The following RBFOX1 variants were observed in gnomAD, a reference collection of about 807,000 sequenced individuals.
RBFOX1 encodes the protein RNA binding fox-1 homolog 1.
In RBFOX1, 8 loss-of-function variants were observed where a neutral mutation model predicts 57.7. The observed-to-expected ratio is 0.14, with a 90% CI of 0.08 to 0.25. The LOEUF (loss-of-function observed/expected upper bound fraction) is 0.25. Ranked by LOEUF, RBFOX1 falls within the 10% of genes least tolerant of loss-of-function variation. The pLI is 1.00. For missense variants in RBFOX1, 611 were observed against 548.5 expected, an observed-to-expected ratio of 1.11 and a Z score of -1.14; for synonymous variants, 326 against 222.4, an observed-to-expected ratio of 1.47 and a Z score of -4.15.
At chr16:7,489,041 A>G (rs1459871401) in intron 4 of RBFOX1, among the ~76,000 whole-genome samples, 1 of 152,096 alleles carries the variant, frequency 6.6e-6, no homozygotes, top group Non-Finnish European at 1.5e-5. Context: ...CTCTATCTTT[A>G]TAAAATCTTG....
chr16:6,767,964 A>AT (rs2077641994), intron 3 of RBFOX1, among the ~76,000 whole-genome samples: 1 of 125,640 alleles, frequency 8.0e-6, no homozygotes, highest in South Asian at 2.5e-4. Flanking sequence ...AAGAAGAAGA[A>AT]GAAGAAGAAG....
chr16:7,679,157 C>G (rs2074119489), intron 14 of RBFOX1, among the ~76,000 whole-genome samples: 1 of 152,240 alleles, frequency 6.6e-6, no homozygotes, highest in East Asian at 1.9e-4. Context: ...TTTAAAATGT[C>G]TATTAAATGG....
intron 2 of RBFOX1, among the ~76,000 whole-genome samples, chr16:6,365,827 T>G (rs2089501477): frequency 6.6e-6 from 1 of 152,218 alleles, no homozygotes; most frequent in South Asian, 2.1e-4. Context: ...GCTGGATTGT[T>G]GAGAGAATTA....
intron 3 of RBFOX1, among the ~76,000 whole-genome samples, chr16:6,961,365 C>G (rs867636947): frequency 6.6e-6 from 1 of 152,126 alleles, no homozygotes; most frequent in East Asian, 1.9e-4. Context: ...CGTGTTCAAA[C>G]TGTAGTAATT....
At chr16:7,006,546 C>G (rs923373940) in intron 3 of RBFOX1, among the ~76,000 whole-genome samples, 13 of 152,142 alleles carry the variant, frequency 8.5e-5, no homozygotes, top group African/African-American at 2.9e-4. Flanking sequence ...AACTCCTGGG[C>G]TCAAGCAGTC....
chr16:7,181,081 A>T (rs531266623), intron 4 of RBFOX1, among the ~76,000 whole-genome samples: 11 of 152,338 alleles, frequency 7.2e-5, no homozygotes, highest in African/African-American at 2.4e-4. Context: ...GCCATGGCTT[A>T]CTGACCCCCT....
At chr16:6,538,450 C>A (rs773335267) in intron 2 of RBFOX1, among the ~76,000 whole-genome samples, 23 of 152,242 alleles carry the variant, frequency 1.5e-4, no homozygotes, top group African/African-American at 5.5e-4. Flanking sequence ...GGTGATTGCG[C>A]TACTGCACTC....
intron 4 of RBFOX1, among the ~76,000 whole-genome samples, chr16:7,135,534 A>G (rs916143790): frequency 6.6e-6 from 1 of 152,276 alleles, no homozygotes; most frequent in East Asian, 1.9e-4. Context: ...AGCAATAAGA[A>G]GATAATTAAG....
intron 4 of RBFOX1, among the ~76,000 whole-genome samples, chr16:5,911,337 C>T (rs536422106): frequency 3.9e-5 from 6 of 152,116 alleles, no homozygotes; most frequent in Admixed American, 6.6e-5. Flanking sequence ...GTGGAAGATC[C>T]GAAGCTCTGA....
chr16:7,524,510 T>C (rs2078239206), intron 5 of RBFOX1, among the ~76,000 whole-genome samples: 1 of 152,214 alleles, frequency 6.6e-6, no homozygotes. Flanking sequence ...TCATTAGAGA[T>C]TTGCAAGTGG....
Position 6,971,410 on chromosome 16 carries a change from G to C in RBFOX1, c.-15-80647G>C, listed in dbSNP as rs560985847. Among the ~76,000 whole-genome samples, 9 of 152,156 alleles carry C rather than the reference G, an allele frequency of 5.9e-5. No homozygotes were observed. In the South Asian group the frequency reaches 1.9e-3, roughly 32 times the overall value. Reference sequence around the variant, plus strand: ...TGTTTGCTTGTTTGGGGAGCAGAAAGGGAAGGGTGGTGTAAGATGGGTTTG... The same window carrying C: ...TGTTTGCTTGTTTGGGGAGCAGAAACGGAAGGGTGGTGTAAGATGGGTTTG... On this transcript the variant is annotated intron_variant, in intron 3 of 15. Coordinates refer to ENST00000550418, the MANE Select transcript of RBFOX1 (RefSeq NM_018723.4).
chr16:7,206,461 T>TAA (rs2089992352), intron 4 of RBFOX1, among the ~76,000 whole-genome samples: 2 of 150,652 alleles, frequency 1.3e-5, no homozygotes, highest in African/African-American at 4.9e-5. Flanking sequence ...TTAATATATA[T>TAA]AATATGCGTG....
chr16:6,183,329 A>G (rs1567630531), intron 1 of RBFOX1, among the ~76,000 whole-genome samples: 1 of 151,560 alleles, frequency 6.6e-6, no homozygotes, highest in Non-Finnish European at 1.5e-5. Context: ...AAATACAAAA[A>G]ATTAGCCAGG....
At chr16:6,558,784 CT>C in intron 2 of RBFOX1, among the ~76,000 whole-genome samples, 1 of 150,676 alleles carries the variant, frequency 6.6e-6, no homozygotes, top group South Asian at 2.1e-4. Context: ...CCCCCACCCC[CT>C]GACTTAAATC....
At chr16:7,157,108 A>G (rs527838902) in intron 4 of RBFOX1, among the ~76,000 whole-genome samples, 3 of 152,272 alleles carry the variant, frequency 2.0e-5, no homozygotes, top group South Asian at 4.1e-4. Context: ...CATGCTATTG[A>G]GTGTGGGAGA....
chr16:6,825,822 G>A (rs904569399), intron 3 of RBFOX1, among the ~76,000 whole-genome samples: 2 of 152,196 alleles, frequency 1.3e-5, no homozygotes, highest in Non-Finnish European at 2.9e-5. Flanking sequence ...ATCCTGCACA[G>A]GAACTTGCAT....
chr16:5,743,312 T>C (rs577461109), intron 3 of RBFOX1, among the ~76,000 whole-genome samples: 1 of 152,328 alleles, frequency 6.6e-6, no homozygotes, highest in Admixed American at 6.5e-5. Context: ...CTGATGCTGC[T>C]AATTGTGGGC....
In RBFOX1 at chr16:6,019,328, GCTGCCGCCGC is replaced by G. The variant is rs1046805649; in HGVS notation, c.-788_-779del. The G allele has an allele frequency of 2.0e-6, 2 of 985,192 alleles. No homozygotes were observed. The highest frequency in any genetic ancestry group is 2.4e-6 in the Non-Finnish European group (2 of 830,220). The allele number at this position is 985,192 out of a possible 1,614,324, so 61.0% of individuals were successfully genotyped here. On this transcript the variant is annotated 5_prime_UTR_variant, in exon 1 of 16. Coordinates refer to ENST00000550418, the MANE Select transcript of RBFOX1 (RefSeq NM_018723.4). The surrounding 1 kb of genome is among the most constrained non-coding windows in gnomAD (Gnocchi z 4.2). ...CCTTTCCAGTCCCCGTGCGAGCCGC[GCTGCCGCCGC>G]CTCCTCCAGCCAGAGTCGGTGGGAC...
intron 2 of RBFOX1, among the ~76,000 whole-genome samples, chr16:6,497,022 A>G (rs1037341865): frequency 5.9e-5 from 9 of 152,216 alleles, no homozygotes; most frequent in African/African-American, 2.2e-4. Context: ...TACGAGAGGC[A>G]CTGTGTCTTG....
Sources: allele counts gnomAD v4.1 joint callset (sites outside exome capture counted in the v4.1 genomes callset), GRCh38; gene constraint gnomAD v4.1.1; non-coding constraint Gnocchi (gnomAD v3.1); transcripts MANE v1.5; gene names NCBI Gene and HGNC (gene_info 2026-07-23, HGNC 2026-07-21).